AGRN: variants seen among roughly 807,000 people sequenced by gnomAD.
AGRN encodes agrin proteoglycan.
A neutral mutation model predicts 211.0 loss-of-function variants in AGRN; 106 were observed. That is an observed-to-expected ratio of 0.50 (90% CI 0.43 to 0.59). The LOEUF is 0.59. AGRN is among the 20% of genes least tolerant of loss of function. AGRN has a pLI of 0.00. For missense variants in AGRN, 3,040 were observed against 2,982.6 expected (o/e 1.02, Z -0.45); for synonymous variants, 1,525 against 1,332.5 (o/e 1.14, Z -3.15).
chr1:1,048,407 GT>G lies in AGRN; in HGVS notation c.4105+43del. 2.2e-6 allele frequency: 3 copies of G among 1,339,346 alleles called. No individual in the cohort carries two copies. Among genetic ancestry groups the G allele is most frequent in the South Asian group, 1.5e-5 (1 of 65,028 alleles). 83.0% of individuals were successfully genotyped at this position (1,339,346 alleles called of 1,614,324 possible). A position where few individuals can be genotyped will look rare whatever the true frequency, so the allele number is the denominator to read the frequency against. On this transcript the variant is annotated intron_variant, in intron 23 of 35. Coordinates refer to ENST00000379370, the MANE Select transcript of AGRN (RefSeq NM_198576.4). This position sits in a 1 kb window ranked among gnomAD's most constrained non-coding sequence, Gnocchi z 5.9. Reference sequence around the variant, plus strand: ...CAGAGGAGGGCGGGGAGGCAGCAGGGTGGGGGCAAGGATTGGGGGTGGGGCT... The same window carrying G: ...CAGAGGAGGGCGGGGAGGCAGCAGGGGGGGGCAAGGATTGGGGGTGGGGCT...
At chr1:1,054,342 C>G in intron 34 of AGRN, 106 bp from the exon 35 acceptor site, 1 of 1,106,274 alleles carries the variant, frequency 9.0e-7, no homozygotes, top group South Asian at 1.4e-5. Flanking sequence ...CGGGGGTTCT[C>G]CAGGCTGAGG....
At chr1:1,021,434 C>T (rs776700570) in intron 1 of AGRN, among the ~76,000 whole-genome samples, 1 of 152,232 alleles carries the variant, frequency 6.6e-6, no homozygotes, top group Non-Finnish European at 1.5e-5. Flanking sequence ...TCCTGAGGCT[C>T]CCAGCAGGGG....
chr1:1,054,493 G>C lies in AGRN; in HGVS notation c.5922G>C (p.Val1974=), dbSNP rs751945914. 3 of 1,603,320 alleles carry C rather than the reference G, an allele frequency of 1.9e-6. No individual in the cohort carries two copies. The highest frequency in any genetic ancestry group is 2.6e-6 in the Non-Finnish European group (3 of 1,175,780). ...GSLQVGNEAP[V]TGSSPLGATQ... ...TGCAGGTGGGCAATGAGGCCCCTGT[G>C]ACCGGCTCCTCCCCGCTGGGCGCCA... Residue 1974 remains valine, a synonymous_variant, in exon 35 of 36, where the codon GTG becomes GTC. Coordinates refer to ENST00000379370, the MANE Select transcript of AGRN (RefSeq NM_198576.4).
Position 1,031,427 on chromosome 1 carries a change from G to T in AGRN, c.464-3850G>T, listed in dbSNP as rs928746392. ...TGAAGATCCCAAAATAGCTCATGTC[G>T]CCTGAGCTCCCTCCCTGGCTGGGCC... On this transcript the variant is annotated intron_variant, in intron 2 of 35. Coordinates refer to ENST00000379370, the MANE Select transcript of AGRN (RefSeq NM_198576.4). This position sits in a 1 kb window ranked among gnomAD's most constrained non-coding sequence, Gnocchi z 4.8. Among the ~76,000 whole-genome samples, 2 of 152,130 alleles carry T rather than the reference G, an allele frequency of 1.3e-5. No individual in the cohort carries two copies. The highest frequency in any genetic ancestry group is 2.9e-5 in the Non-Finnish European group (2 of 68,008).
At chr1:1,047,056 G>A in intron 19 of AGRN, 99 bp downstream of exon 19, 1 of 1,523,484 alleles carries the variant, frequency 6.6e-7, no homozygotes, top group Non-Finnish European at 8.8e-7. Context: ...GGGGGTTATG[G>A]TCTTGGGACT....
At chr1:1,035,553 GCCTCAGCCC>G (rs1644784435) in intron 3 of AGRN, among the ~76,000 whole-genome samples, 1 of 152,246 alleles carries the variant, frequency 6.6e-6, no homozygotes. Flanking sequence ...ACTTCTCTGG[GCCTCAGCCC>G]CCTCAGCCTC....
chr1:1,049,846 G>T, intron 26 of AGRN, 51 bp downstream of exon 26: 1 of 1,611,122 alleles, frequency 6.2e-7, no homozygotes, highest in Non-Finnish European at 8.5e-7. Flanking sequence ...GCCTGTGGGC[G>T]GTACCCAACC....
chr1:1,054,379 G>A, intron 34 of AGRN, 69 bp from the exon 35 acceptor site: 2 of 1,379,292 alleles, frequency 1.5e-6, no homozygotes, highest in Non-Finnish European at 2.0e-6. Flanking sequence ...GAAGGATGCA[G>A]GGCTTATGGT....
At chr1:1,042,333 G>C (rs374868319) in intron 7 of AGRN, among the ~76,000 whole-genome samples, 171 bp downstream of exon 7, 1 of 152,188 alleles carries the variant, frequency 6.6e-6, no homozygotes, top group South Asian at 2.1e-4. Flanking sequence ...AGGGTACCTG[G>C]ATACCTGGGG....
At position 1,055,676 on chromosome 1, in the gene AGRN, T is replaced by C. The variant is rs1221609653; in HGVS notation, c.*695T>C. ...AGAGGAGCTCACTGTGGGATGGGGT[T>C]GACCTCTGCCGCCTGCCTGGGTATC... On this transcript the variant is annotated 3_prime_UTR_variant, in exon 36 of 36. Coordinates refer to ENST00000379370, the MANE Select transcript of AGRN (RefSeq NM_198576.4). 1 of 157,016 alleles carries C rather than the reference T, an allele frequency of 6.4e-6. No individual in the cohort carries two copies. Among genetic ancestry groups the C allele is most frequent in the South Asian group, 2.0e-4 (1 of 5,112 alleles). The allele number at this position is 157,016 out of a possible 1,614,324, so 9.7% of individuals were successfully genotyped here.
At position 1,022,353 on chromosome 1, in the gene AGRN, C is replaced by T. The variant is rs1340917709; in HGVS notation, c.354C>T (p.Asn118=). 3.1e-6 allele frequency: 5 copies of T among 1,613,394 alleles called. No individual in the cohort carries two copies. Among genetic ancestry groups the T allele is most frequent in the East Asian group, 4.5e-5 (2 of 44,882 alleles). Residue 118 remains asparagine, a synonymous_variant, in exon 2 of 36, where the codon AAC becomes AAT. Coordinates refer to ENST00000379370, the MANE Select transcript of AGRN (RefSeq NM_198576.4). Reference sequence around the variant, plus strand: ...GGGACACCAGGATCTTCTTTGTGAACCCTGCACCCCCATACCTGTGGCCAG... The same window carrying T: ...GGGACACCAGGATCTTCTTTGTGAATCCTGCACCCCCATACCTGTGGCCAG... ...STGDTRIFFV[N]PAPPYLWPAH...
Position 1,050,534 on chromosome 1 carries a change from T to C in AGRN, c.5084T>C (p.Leu1695Pro). ...DGKGDFVSLA[L>P]RDRRLEFRYD... is the part of the protein sequence containing the mutation. ...AAGGGGGACTTCGTGTCGCTGGCAC[T>C]GCGGGACCGCCGCCTGGAGTTCCGC... The change falls in exon 29 of 36, where the codon CTG becomes CCG. Residue 1695 changes from leucine to proline, a missense_variant. Around this residue, in one of 3 missense-constraint regions of AGRN, gnomAD observed 1,537 missense variants for 1,505.0 expected, o/e 1.02. Transcript: ENST00000379370. 1 of 1,612,664 alleles carries C rather than the reference T, an allele frequency of 6.2e-7. No homozygotes were observed. The highest frequency in any genetic ancestry group is 8.5e-7 in the Non-Finnish European group (1 of 1,179,800).
At chr1:1,037,481 A>G (rs1644828610) in intron 3 of AGRN, among the ~76,000 whole-genome samples, 1 of 152,162 alleles carries the variant, frequency 6.6e-6, no homozygotes, top group African/African-American at 2.4e-5. Flanking sequence ...CCCCCAGCCT[A>G]CCCAGGACCA....
chr1:1,048,413 G>T lies in AGRN; in HGVS notation c.4105+48G>T. On this transcript the variant is annotated intron_variant, in intron 23 of 35. Coordinates refer to ENST00000379370, the MANE Select transcript of AGRN (RefSeq NM_198576.4). The surrounding 1 kb of genome is among the most constrained non-coding windows in gnomAD (Gnocchi z 5.9). ...AGGGCGGGGAGGCAGCAGGGTGGGGGCAAGGATTGGGGGTGGGGCTAAGCC... is the reference window on the plus strand; with the variant it reads ...AGGGCGGGGAGGCAGCAGGGTGGGGTCAAGGATTGGGGGTGGGGCTAAGCC... 2 of 819,476 alleles carry T rather than the reference G, an allele frequency of 2.4e-6. No homozygotes were observed. 50.8% of individuals were successfully genotyped at this position (819,476 alleles called of 1,614,324 possible).
intron 2 of AGRN, among the ~76,000 whole-genome samples, chr1:1,033,191 A>G (rs1644711166): frequency 6.6e-6 from 1 of 151,570 alleles, no homozygotes; most frequent in Non-Finnish European, 1.5e-5. Flanking sequence ...CCCGCGCGGG[A>G]GTCGGGGGCG....
rs1399021167 is a variant in AGRN, at chr1:1,043,656, C to T, written c.1722C>T (p.Tyr574=). 1 of 1,601,634 alleles carries T rather than the reference C, an allele frequency of 6.2e-7. No homozygotes were observed. The highest frequency in any genetic ancestry group is 2.2e-5 in the East Asian group (1 of 44,868). The change falls in exon 9 of 36, where the codon TAC becomes TAT. Residue 574 remains tyrosine (Y), a synonymous_variant. Transcript: ENST00000379370. The stretch of plus-strand genomic sequence containing the variant: ...TGTGTGGCTCCGACGGGCACACGTA[C>T]CCCAGCGAGTGCATGCTGCACGTGC... ...QPVCGSDGHT[Y]PSECMLHVHA... is the part of the protein sequence containing the mutation.
In AGRN at chr1:1,045,394, G is replaced by C. The variant is rs538909713; in HGVS notation, c.2407G>C (p.Gly803Arg). 6.2e-7 allele frequency: 1 copy of C among 1,611,006 alleles called. No homozygotes were observed. Among genetic ancestry groups the C allele is most frequent in the South Asian group, 1.1e-5 (1 of 91,064 alleles). The change falls in exon 14 of 36, where the codon GGC (glycine) becomes CGC (arginine). Residue 803 changes from glycine to arginine, a missense_variant. Physicochemically the swap from Gly to Arg is moderately radical, Grantham distance 125. Around this residue, in one of 3 missense-constraint regions of AGRN, gnomAD observed 1,498 missense variants for 1,457.8 expected, o/e 1.03. Coordinates refer to ENST00000379370, the MANE Select transcript of AGRN (RefSeq NM_198576.4). Reference sequence around the variant, plus strand: ...GTGCAACCCCCATGGCTCTTACGGCGGCACCTGTGACCCAGCCACAGGCCA... The same window carrying C: ...GTGCAACCCCCATGGCTCTTACGGCCGCACCTGTGACCCAGCCACAGGCCA... ...CQCNPHGSYG[G>R]TCDPATGQCS...
intron 7 of AGRN, among the ~76,000 whole-genome samples, chr1:1,042,768 G>C (rs1226908798): frequency 6.8e-6 from 1 of 147,850 alleles, no homozygotes; most frequent in Admixed American, 6.6e-5. Context: ...TGGTGCGGCA[G>C]GGGGGGTGGC....
Position 1,048,498 on chromosome 1 carries a change from C to G in AGRN, c.4105+133C>G. The stretch of plus-strand genomic sequence containing the variant: ...ATTAAGGCGGGGTTTCGGCCAGATG[C>G]GGTGGCTCACGCCTGTAATCCCAGC... On this transcript the variant is annotated intron_variant, in intron 23 of 35. Coordinates refer to ENST00000379370, the MANE Select transcript of AGRN (RefSeq NM_198576.4). This position sits in a 1 kb window ranked among gnomAD's most constrained non-coding sequence, Gnocchi z 5.9. The G allele has an allele frequency of 1.3e-6, 1 of 786,710 alleles. No homozygotes were observed. The highest frequency in any genetic ancestry group is 1.9e-6 in the Non-Finnish European group (1 of 516,502). The allele number at this position is 786,710 out of a possible 1,614,324, so 48.7% of individuals were successfully genotyped here.
Sources: allele counts gnomAD v4.1 joint callset (sites outside exome capture counted in the v4.1 genomes callset), GRCh38; gene constraint gnomAD v4.1.1; regional missense constraint gnomAD v4.1.1; non-coding constraint Gnocchi (gnomAD v3.1); transcripts MANE v1.5; gene names NCBI Gene and HGNC (gene_info 2026-07-23, HGNC 2026-07-21).